MASP1: variants seen among roughly 807,000 people sequenced by gnomAD.
The protein encoded by MASP1 is MBL associated serine protease 1.
MASP1 carries 59 observed loss-of-function variants against 77.1 expected under a neutral mutation model. That is an observed-to-expected ratio of 0.77 (90% confidence interval 0.62 to 0.95). The LOEUF (loss-of-function observed/expected upper bound fraction) is 0.95, where lower values mean the gene tolerates loss of function less well. MASP1 is among the 40% of genes least tolerant of loss of function. MASP1 has a pLI of 0.00. For missense variants in MASP1, 885 were observed against 912.9 expected (o/e 0.97, Z 0.39); for synonymous variants, 362 against 354.5 (o/e 1.02, Z -0.24).
intron 2 of MASP1, 46 bp downstream of exon 2, chr3:187,285,779 T>A: frequency 6.8e-7 from 1 of 1,470,092 alleles, no homozygotes; most frequent in South Asian, 1.1e-5. Flanking sequence ...CTTGTCTAAA[T>A]CCCAGAAGAG....
chr3:187,286,941 C>T (rs1405898343), intron 1 of MASP1, among the ~76,000 whole-genome samples: 1 of 152,204 alleles, frequency 6.6e-6, no homozygotes, highest in Non-Finnish European at 1.5e-5. Context: ...TTTAACCATT[C>T]ATCTTTTCAT....
At chr3:187,267,388 C>T (rs1716129211) in intron 2 of MASP1, among the ~76,000 whole-genome samples, 1 of 152,150 alleles carries the variant, frequency 6.6e-6, no homozygotes, top group African/African-American at 2.4e-5. Context: ...TGCTGGATTA[C>T]CCTGTTGCCA....
At chr3:187,288,865 GA>G (rs1718069961) in intron 1 of MASP1, among the ~76,000 whole-genome samples, 1 of 152,196 alleles carries the variant, frequency 6.6e-6, no homozygotes, top group South Asian at 2.1e-4. Context: ...AGCGTGGGAG[GA>G]AGGCCCAGGA....
Position 187,235,355 on chromosome 3 carries a change from G to C in MASP1, c.*329C>G. 1.4e-6 allele frequency: 2 copies of C among 1,401,652 alleles called. No individual in the cohort carries two copies. The highest frequency in any genetic ancestry group is 1.9e-6 in the Non-Finnish European group (2 of 1,062,698). The allele number at this position is 1,401,652 out of a possible 1,614,324, so 86.8% of individuals were successfully genotyped here. On this transcript the variant is annotated 3_prime_UTR_variant, in exon 11 of 11. Transcript: ENST00000296280. The stretch of plus-strand genomic sequence containing the variant: ...GATAAGTGGTCAGGAGTGAATAAAG[G>C]CCACTGGGGTAAGAAGCATGGCCTG...
chr3:187,259,814 C>G (rs1715405911), intron 4 of MASP1, among the ~76,000 whole-genome samples: 2 of 152,284 alleles, frequency 1.3e-5, no homozygotes, highest in South Asian at 4.1e-4. Flanking sequence ...TTGTGCTCCC[C>G]CAGTGATCCC....
intron 2 of MASP1, among the ~76,000 whole-genome samples, chr3:187,268,284 C>A (rs1165114132): frequency 6.6e-6 from 1 of 152,046 alleles, no homozygotes; most frequent in African/African-American, 2.4e-5. Flanking sequence ...GAGTTCAACA[C>A]CAGCCTGGGC....
chr3:187,247,052 A>T (rs956786640), intron 8 of MASP1: 19 of 1,338,618 alleles, frequency 1.4e-5, no homozygotes, highest in Non-Finnish European at 1.8e-5. Flanking sequence ...TCCGTTGAGA[A>T]AAGTACAGTC....
chr3:187,244,562 C>A (rs1713926677), intron 8 of MASP1: 1 of 152,142 alleles, frequency 6.6e-6, no homozygotes, highest in Admixed American at 6.5e-5. Context: ...TGGAAAGAAA[C>A]CTGAAGTAGG....
chr3:187,255,478 G>C (rs1447372937), intron 5 of MASP1, among the ~76,000 whole-genome samples: 1 of 152,224 alleles, frequency 6.6e-6, no homozygotes, highest in Non-Finnish European at 1.5e-5. Context: ...CCTGAACAAA[G>C]AACCCCATTG....
intron 2 of MASP1, among the ~76,000 whole-genome samples, chr3:187,269,901 A>G (rs983069318): frequency 2.0e-5 from 3 of 151,714 alleles, no homozygotes; most frequent in Admixed American, 1.3e-4. Context: ...AATTCTAGAC[A>G]TGATTTAGAT....
exon 16 of MASP1, chr3:187,219,866 C>A: frequency 3.3e-6 from 2 of 607,940 alleles, no homozygotes; most frequent in Non-Finnish European, 3.0e-6. Context: ...AGCCTGGATT[C>A]GGCCTGTGTT....
intron 7 of MASP1, 152 bp from the exon 8 acceptor site, chr3:187,250,481 G>A (rs1714482218): frequency 1.4e-6 from 1 of 735,992 alleles, no homozygotes; most frequent in Non-Finnish European, 2.5e-6. Flanking sequence ...CTTGAAGGTA[G>A]GGGAAAGATA....
intron 2 of MASP1, among the ~76,000 whole-genome samples, chr3:187,268,669 C>T (rs1357147134): frequency 6.6e-6 from 1 of 152,130 alleles, no homozygotes; most frequent in African/African-American, 2.4e-5. Context: ...TTGTGTATGG[C>T]AATGTACTTC....
At chr3:187,236,717 G>T in intron 10 of MASP1, 150 bp from the exon 11 acceptor site, 1 of 1,375,478 alleles carries the variant, frequency 7.3e-7, no homozygotes, top group Non-Finnish European at 1.0e-6. Flanking sequence ...TAGCCTGGGA[G>T]AGCTCTACTC....
intron 1 of MASP1, among the ~76,000 whole-genome samples, chr3:187,289,526 A>C (rs1196638196): frequency 1.3e-5 from 2 of 152,248 alleles, no homozygotes; most frequent in African/African-American, 4.8e-5. Context: ...CAAAGCAATT[A>C]ATCCTGTGAA....
chr3:187,270,761 G>C (rs1716454921), intron 2 of MASP1, among the ~76,000 whole-genome samples: 1 of 152,198 alleles, frequency 6.6e-6, no homozygotes, highest in Non-Finnish European at 1.5e-5. Context: ...GGGCTCAGCG[G>C]CCACATAGGG....
At chr3:187,244,771 G>A (rs1713946242) in intron 8 of MASP1, 1 of 152,224 alleles carries the variant, frequency 6.6e-6, no homozygotes, top group African/African-American at 2.4e-5. Context: ...GCTGGCCAAT[G>A]GTGGACATCA....
intron 15 of MASP1, chr3:187,220,953 G>T: frequency 1.7e-6 from 2 of 1,161,058 alleles, no homozygotes; most frequent in Non-Finnish European, 2.6e-6. Context: ...CACCAGGTTG[G>T]GAGGCCTCTG....
intron 2 of MASP1, chr3:187,263,033 G>A (rs372116279): frequency 2.0e-4 from 69 of 340,494 alleles, no homozygotes; most frequent in South Asian, 1.2e-3. Flanking sequence ...AGATAACCTC[G>A]CAGACAGATT....
Sources: gnomAD v4.1 joint callset for allele counts (sites outside exome capture counted in the v4.1 genomes callset) on GRCh38, gnomAD v4.1.1 for gene constraint, MANE v1.5 for transcripts, NCBI Gene and HGNC (gene_info 2026-07-23, HGNC 2026-07-21) for gene names.